The following EPHA7 variants were observed in gnomAD, a reference collection of about 807,000 sequenced individuals.
The protein encoded by EPHA7 is EPH receptor A7, also known as ephrin type-A receptor 7.
In EPHA7, 25 loss-of-function variants were observed where a neutral mutation model predicts 112.6. The ratio of observed to expected loss-of-function variants is 0.22; its 90% CI spans 0.16 to 0.31. EPHA7 has a LOEUF of 0.31. Among genes scored for constraint, EPHA7 ranks in the 10% least tolerant of loss-of-function variants. The pLI, the probability that EPHA7 is intolerant of heterozygous loss-of-function variation, is 1.00. For missense variants in EPHA7, 962 were observed against 1,212.6 expected, an observed-to-expected ratio of 0.79 and a Z score of 3.07; for synonymous variants, 437 against 406.5, an observed-to-expected ratio of 1.07 and a Z score of -0.90.
At chr6:93,393,808 G>A (rs1778024703) in intron 3 of EPHA7, among the ~76,000 whole-genome samples, 1 of 151,690 alleles carries the variant, frequency 6.6e-6, no homozygotes, top group Non-Finnish European at 1.5e-5. Context: ...CAAATCCACT[G>A]CCTTTTAGCC....
At chr6:93,417,686 T>A (rs968828550) in intron 1 of EPHA7, among the ~76,000 whole-genome samples, 4 of 152,116 alleles carry the variant, frequency 2.6e-5, no homozygotes, top group Non-Finnish European at 5.9e-5. Flanking sequence ...AATCACAGTA[T>A]GCCAGGGCTG....
At chr6:93,320,202 A>G (rs1773999795) in intron 5 of EPHA7, among the ~76,000 whole-genome samples, 1 of 152,004 alleles carries the variant, frequency 6.6e-6, no homozygotes, top group South Asian at 2.1e-4. Context: ...ATCTGATATT[A>G]TATTTTCATG....
intron 3 of EPHA7, among the ~76,000 whole-genome samples, chr6:93,370,324 T>A (rs1482866229): frequency 6.6e-6 from 1 of 152,138 alleles, no homozygotes; most frequent in Non-Finnish European, 1.5e-5. Flanking sequence ...TCTCTTTAAA[T>A]ACATGACCTA....
chr6:93,299,897 C>T (rs116783491), intron 5 of EPHA7, among the ~76,000 whole-genome samples: 5,512 of 152,200 alleles, frequency 0.036, 127 homozygotes, highest in African/African-American at 0.067. Flanking sequence ...ACTACATGTT[C>T]TCACTTGTAA....
At chr6:93,342,352 C>T (rs1775181626) in intron 5 of EPHA7, among the ~76,000 whole-genome samples, 1 of 151,580 alleles carries the variant, frequency 6.6e-6, no homozygotes, top group African/African-American at 2.4e-5. Context: ...ATAGAAAAAC[C>T]ATTAGGACCA....
rs763244637 is a variant in EPHA7, at chr6:93,240,459, T to C, written c.*2967A>G. The C allele has an allele frequency of 1.8e-5, 4 of 218,322 alleles. No homozygotes were observed. Among genetic ancestry groups the C allele is most frequent in the Non-Finnish European group, 3.7e-5 (4 of 108,840 alleles). 13.5% of individuals were successfully genotyped at this position (218,322 alleles called of 1,614,324 possible). On this transcript the variant is annotated 3_prime_UTR_variant, in exon 17 of 17. Transcript: ENST00000369303. ...ACAGTACTAGCTAATGTAGATTACA[T>C]AAGTATACAATATGATTCAACTAAT...
Position 93,313,114 on chromosome 6 carries a change from C to T in EPHA7, c.1325-40692G>A, listed in dbSNP as rs924218119. Among the ~76,000 whole-genome samples, 6 of 152,162 alleles carry T rather than the reference C, an allele frequency of 3.9e-5. No individual in the cohort carries two copies. In the South Asian group the frequency reaches 6.2e-4, roughly 16 times the overall value. On this transcript the variant is annotated intron_variant, in intron 5 of 16. Transcript: ENST00000369303. ...CACAGAGACACAACGTAAGCACATG[C>T]TGTTGGAAAACTGATGCTGATAGAC...
intron 3 of EPHA7, among the ~76,000 whole-genome samples, chr6:93,368,992 C>T (rs1776648700): frequency 6.6e-6 from 1 of 151,880 alleles, no homozygotes. Context: ...TCAGTTTACC[C>T]TGAAGCATGA....
At chr6:93,270,900 A>T (rs1389378048) in intron 6 of EPHA7, among the ~76,000 whole-genome samples, 1 of 151,844 alleles carries the variant, frequency 6.6e-6, no homozygotes, top group African/African-American at 2.4e-5. Context: ...GTTGCCTAAT[A>T]TGCAAATTTA....
At chr6:93,341,354 C>G (rs934085656) in intron 5 of EPHA7, among the ~76,000 whole-genome samples, 5 of 151,640 alleles carry the variant, frequency 3.3e-5, no homozygotes, top group African/African-American at 1.2e-4. Flanking sequence ...AAGACTACAA[C>G]AGAAGGCAAA....
intron 5 of EPHA7, among the ~76,000 whole-genome samples, chr6:93,339,616 T>C (rs13200186): frequency 0.58 from 87,638 of 151,532 alleles, 26,329 homozygotes; most frequent in East Asian, 0.75. Flanking sequence ...GATTCTAAAT[T>C]CAGTGTCCAA....
chr6:93,336,145 A>G (rs1298084047), intron 5 of EPHA7, among the ~76,000 whole-genome samples: 1 of 152,182 alleles, frequency 6.6e-6, no homozygotes, highest in Non-Finnish European at 1.5e-5. Flanking sequence ...CTACTAGAAT[A>G]AAAGTATTTT....
intron 5 of EPHA7, among the ~76,000 whole-genome samples, chr6:93,304,607 T>C (rs1017449186): frequency 6.6e-6 from 1 of 152,070 alleles, no homozygotes; most frequent in Admixed American, 6.6e-5. Context: ...TAGATAAAAA[T>C]GATTGCCTTA....
rs760770968 is a variant in EPHA7 at position 93,257,531 on chromosome 6, T to TA, written c.2111-9dup. 8.1e-3 allele frequency: 10,228 copies of TA among 1,255,382 alleles called. No homozygotes were observed. Among genetic ancestry groups the TA allele is most frequent in the South Asian group, 8.8e-3 (595 of 67,272 alleles). 77.8% of individuals were successfully genotyped at this position (1,255,382 alleles called of 1,614,324 possible). Reference sequence around the variant, plus strand: ...CTATCATGACTGGTTTCCCTAAAATTAAAAAAAAAAAGTTTCAGGAGTCGT... The same window carrying TA: ...CTATCATGACTGGTTTCCCTAAAATTAAAAAAAAAAAAGTTTCAGGAGTCGT... On this transcript the variant is annotated splice_polypyrimidine_tract_variant and intron_variant, in intron 11 of 16. Transcript: ENST00000369303.
At position 93,266,435 on chromosome 6, in the gene EPHA7, T is replaced by G. The variant is rs562748452; in HGVS notation, c.1634-1733A>C. ...TGAATCAGAATTTGTGCATATTTAT[T>G]TATACATTTTTGTATATTGTCAGGG... On this transcript the variant is annotated intron_variant, in intron 7 of 16. Transcript: ENST00000369303. Among the ~76,000 whole-genome samples, 5 of 151,840 alleles carry G rather than the reference T, an allele frequency of 3.3e-5. No homozygotes were observed. The South Asian group carries it at 8.3e-4, about 25-fold the overall frequency.
At chr6:93,339,626 A>C (rs1345775932) in intron 5 of EPHA7, among the ~76,000 whole-genome samples, 1 of 151,716 alleles carries the variant, frequency 6.6e-6, no homozygotes, top group East Asian at 1.9e-4. Flanking sequence ...TCAGTGTCCA[A>C]TTTCTCTGAT....
intron 5 of EPHA7, among the ~76,000 whole-genome samples, chr6:93,340,423 T>C (rs1394160964): frequency 6.6e-6 from 1 of 151,902 alleles, no homozygotes; most frequent in Admixed American, 6.6e-5. Flanking sequence ...ATACCCGATC[T>C]GAAAATTTAA....
At chr6:93,291,228 G>C (rs1772344706) in intron 5 of EPHA7, among the ~76,000 whole-genome samples, 1 of 152,094 alleles carries the variant, frequency 6.6e-6, no homozygotes, top group Non-Finnish European at 1.5e-5. Flanking sequence ...ATATCAATGA[G>C]AAATAAAAGG....
In EPHA7 at chr6:93,255,972, C is replaced by A. The variant is rs1484087506; in HGVS notation, c.2238G>T (p.Met746Ile). 1.9e-6 allele frequency: 3 copies of A among 1,613,950 alleles called. No homozygotes were observed. The highest frequency in any genetic ancestry group is 2.5e-6 in the Non-Finnish European group (3 of 1,180,014). The change falls in exon 13 of 17, where the codon ATG (methionine) becomes ATT (isoleucine). Residue 746 changes from methionine (M) to isoleucine (I), a missense_variant. Coordinates refer to ENST00000369303, the MANE Select transcript of EPHA7 (RefSeq NM_004440.4). The stretch of plus-strand genomic sequence containing the variant: ...CATATCCCATATCAGCCAAATATCT[C>A]ATTCCAGCAGCAATTCCTCTCAGCA... Reference protein sequence around the residue: ...VGMLRGIAAGMRYLADMGYVH... With the variant: ...VGMLRGIAAGIRYLADMGYVH...
Sources: gnomAD v4.1 joint callset for allele counts (sites outside exome capture counted in the v4.1 genomes callset) on GRCh38, gnomAD v4.1.1 for gene constraint, MANE v1.5 for transcripts, NCBI Gene and HGNC (gene_info 2026-07-23, HGNC 2026-07-21) for gene names.